KDM4C: variants seen among roughly 807,000 people sequenced by gnomAD.
KDM4C encodes the protein lysine-specific demethylase 4C.
KDM4C carries 81 observed loss-of-function variants against 129.3 expected under a neutral mutation model. The observed-to-expected ratio is 0.63, with a 90% CI of 0.52 to 0.75. The LOEUF (loss-of-function observed/expected upper bound fraction) is 0.75, where lower values mean the gene tolerates loss of function less well. Ranked by LOEUF, KDM4C falls within the 30% of genes least tolerant of loss-of-function variation. The pLI is 0.00. For missense variants in KDM4C, 1,457 were observed against 1,304.0 expected, an observed-to-expected ratio of 1.12 and a Z score of -1.81; for synonymous variants, 573 against 456.1, an observed-to-expected ratio of 1.26 and a Z score of -3.26.
chr9:6,922,415 A>G (rs994793600), intron 8 of KDM4C, among the ~76,000 whole-genome samples: 2 of 152,212 alleles, frequency 1.3e-5, no homozygotes, highest in African/African-American at 4.8e-5. Flanking sequence ...CCCCATTAAA[A>G]GAAGTAGAAT....
intron 1 of KDM4C, among the ~76,000 whole-genome samples, chr9:6,767,825 C>T (rs940594574): frequency 6.6e-6 from 1 of 152,070 alleles, no homozygotes; most frequent in African/African-American, 2.4e-5. Flanking sequence ...AAAGTGATAC[C>T]TCTCAGTCTA....
chr9:6,938,426 C>T (rs767914810), intron 8 of KDM4C, among the ~76,000 whole-genome samples: 2 of 152,144 alleles, frequency 1.3e-5, no homozygotes, highest in Non-Finnish European at 2.9e-5. Flanking sequence ...TAATATTTTG[C>T]TCCTACTGTC....
At chr9:6,910,390 C>T (rs1481054743) in intron 8 of KDM4C, among the ~76,000 whole-genome samples, 1 of 151,958 alleles carries the variant, frequency 6.6e-6, no homozygotes, top group East Asian at 1.9e-4. Context: ...TGTTATTACC[C>T]CCATCTTATT....
Position 6,721,344 on chromosome 9 carries a change from C to T in KDM4C, c.49+347C>T, listed in dbSNP as rs537056450. 3.6e-4 allele frequency among the ~76,000 whole-genome samples: 50 copies of T among 140,288 alleles called. No homozygotes were observed. In the Middle Eastern group the frequency reaches 0.012, roughly 33 times the overall value. 92.0% of individuals were successfully genotyped at this position (140,288 alleles called of 152,430 possible). On this transcript the variant is annotated intron_variant, in intron 1 of 17. Transcript: ENST00000536108. ...TCCCACCCAGGACAGAGGGCAGTGG[C>T]GCAATCTGGGCTCACTGCAACCTTC...
chr9:6,742,844 C>T (rs1312910925), intron 1 of KDM4C, among the ~76,000 whole-genome samples: 1 of 151,904 alleles, frequency 6.6e-6, no homozygotes, highest in Non-Finnish European at 1.5e-5. Context: ...TCAAAAACTG[C>T]TGCCGCAAAC....
intron 18 of KDM4C, 113 bp downstream of exon 18, chr9:7,103,983 A>C: frequency 1.0e-6 from 1 of 952,606 alleles, no homozygotes; most frequent in African/African-American, 1.6e-5. Flanking sequence ...CATTGTTGAC[A>C]TGTCTAGACC....
chr9:6,814,884 T>C, intron 4 of KDM4C, 139 bp downstream of exon 4: 2 of 457,836 alleles, frequency 4.4e-6, no homozygotes, highest in Non-Finnish European at 7.7e-6. Context: ...GAAATATTCA[T>C]CAGTAGGATT....
At chr9:6,940,034 TTTCC>T (rs1433262687) in intron 8 of KDM4C, among the ~76,000 whole-genome samples, 2 of 70,998 alleles carry the variant, frequency 2.8e-5, no homozygotes, top group African/African-American at 1.3e-4. Flanking sequence ...TCCTTCCTTC[TTTCC>T]TTCCTTCCCT....
chr9:7,122,718 C>T (rs535775016), intron 18 of KDM4C, among the ~76,000 whole-genome samples: 1 of 152,224 alleles, frequency 6.6e-6, no homozygotes, highest in African/African-American at 2.4e-5. Context: ...AACATTTTGG[C>T]CATGTCCCCA....
At chr9:6,779,851 C>T (rs1249931114) in intron 1 of KDM4C, among the ~76,000 whole-genome samples, 6 of 152,166 alleles carry the variant, frequency 3.9e-5, no homozygotes, top group South Asian at 2.1e-4. Flanking sequence ...TTTATTCACT[C>T]CTATTTGCGT....
intron 5 of KDM4C, among the ~76,000 whole-genome samples, chr9:6,857,518 C>G (rs1840079884): frequency 6.6e-6 from 1 of 152,116 alleles, no homozygotes; most frequent in African/African-American, 2.4e-5. Flanking sequence ...CTGTGGACCA[C>G]TGCTCAGCAC....
intron 17 of KDM4C, among the ~76,000 whole-genome samples, chr9:7,100,703 C>G (rs916557843): frequency 1.3e-5 from 2 of 152,054 alleles, no homozygotes; most frequent in Non-Finnish European, 2.9e-5. Flanking sequence ...AAATAATTAC[C>G]TCATGTTGAC....
At chr9:6,764,391 A>G (rs1820203373) in intron 1 of KDM4C, among the ~76,000 whole-genome samples, 1 of 152,240 alleles carries the variant, frequency 6.6e-6, no homozygotes, top group Non-Finnish European at 1.5e-5. Flanking sequence ...TTCATAGTAC[A>G]AAGATTTCCC....
chr9:7,003,574 C>G (rs1270689636), intron 12 of KDM4C, among the ~76,000 whole-genome samples: 1 of 152,034 alleles, frequency 6.6e-6, no homozygotes, highest in Admixed American at 6.6e-5. Flanking sequence ...ACATAAAGAA[C>G]AAAACTATAT....
At position 6,835,499 on chromosome 9, in the gene KDM4C, C is replaced by T. The variant is rs532910327; in HGVS notation, c.436-14008C>T. The T allele has an allele frequency of 2.0e-6, 3 of 1,510,604 alleles. No homozygotes were observed. The African/African-American group carries it at 4.1e-5, about 21-fold the overall frequency. The allele number at this position is 1,510,604 out of a possible 1,614,324, so 93.6% of individuals were successfully genotyped here. ...GGCGGCTCCATCCTGGCCTCGCTGT[C>T]CACCTTCCAGCAGATGTGGATCAGC... On this transcript the variant is annotated intron_variant, in intron 4 of 21. Coordinates refer to ENST00000381309, the MANE Select transcript of KDM4C (RefSeq NM_015061.6).
rs202238786 is a variant in KDM4C, at chr9:6,981,064, C to G, written c.1061C>G (p.Pro354Arg). 6.2e-7 allele frequency: 1 copy of G among 1,613,508 alleles called. No individual in the cohort carries two copies. The highest frequency in any genetic ancestry group is 8.5e-7 in the Non-Finnish European group (1 of 1,179,704). The change falls in exon 9 of 22, where the codon CCT becomes CGT. Residue 354 changes from proline (P) to arginine (R), a missense_variant. Pro to Arg is a moderately radical substitution (Grantham distance 103). Transcript: ENST00000381309. ...DHTKPTPAST[P>R]EVKAWLQRRR... ...ACGAAGCCTACTCCAGCATCCACCC[C>G]TGAAGTAAAAGCATGGCTGCAGAGG...
chr9:7,144,894 A>G (rs924574099), intron 19 of KDM4C, among the ~76,000 whole-genome samples: 2 of 152,240 alleles, frequency 1.3e-5, no homozygotes, highest in African/African-American at 4.8e-5. Flanking sequence ...ACGTATTTTT[A>G]GGCACCGTGA....
intron 17 of KDM4C, among the ~76,000 whole-genome samples, chr9:7,097,456 G>C (rs1332206810): frequency 1.3e-5 from 2 of 152,220 alleles, no homozygotes; most frequent in Admixed American, 6.5e-5. Flanking sequence ...TGGTGCAGAG[G>C]TGAGCTGCCT....
chr9:7,024,438 C>T (rs7860217), intron 15 of KDM4C, among the ~76,000 whole-genome samples: 70,664 of 150,646 alleles, frequency 0.47, 16,802 homozygotes, highest in South Asian at 0.6. Flanking sequence ...ACCCATTAAC[C>T]TGTCATTTAG....
Sources: gnomAD v4.1 joint callset for allele counts (sites outside exome capture counted in the v4.1 genomes callset) on GRCh38, gnomAD v4.1.1 for gene constraint, MANE v1.5 for transcripts, NCBI Gene and HGNC (gene_info 2026-07-23, HGNC 2026-07-21) for gene names.